Variants in ZBTB38 observed in about 807,000 individuals in gnomAD.
ZBTB38 encodes the protein zinc finger and BTB domain containing 38, also known as zinc finger and BTB domain-containing protein 38.
ZBTB38 carries 20 observed loss-of-function variants against 76.8 expected under a neutral mutation model. That is an observed-to-expected ratio of 0.26 (90% confidence interval 0.18 to 0.38). ZBTB38 has a LOEUF of 0.38. Ranked by LOEUF, ZBTB38 falls within the 10% of genes least tolerant of loss-of-function variation. ZBTB38 has a pLI of 1.00. For missense variants in ZBTB38, 1,082 were observed against 1,482.3 expected, an observed-to-expected ratio of 0.73 and a Z score of 4.43; for synonymous variants, 504 against 544.2, an observed-to-expected ratio of 0.93 and a Z score of 1.03.
intron 3 of ZBTB38, among the ~76,000 whole-genome samples, chr3:141,384,132 T>C (rs1250114860): frequency 2.0e-5 from 3 of 152,246 alleles, no homozygotes; most frequent in Non-Finnish European, 1.5e-5. Flanking sequence ...CGTTTACTGA[T>C]TGAGTGTCTT....
intron 5 of ZBTB38, among the ~76,000 whole-genome samples, chr3:141,435,884 T>A (rs2078673276): frequency 6.6e-6 from 1 of 152,264 alleles, no homozygotes; most frequent in African/African-American, 2.4e-5. Context: ...TTTATGTTTT[T>A]AAAAATATTG....
chr3:141,382,365 G>A (rs1475730824), intron 3 of ZBTB38, among the ~76,000 whole-genome samples: 1 of 152,124 alleles, frequency 6.6e-6, no homozygotes, highest in Non-Finnish European at 1.5e-5. Flanking sequence ...GGTGTAAAAG[G>A]AAACTAGCTA....
At chr3:141,410,796 T>C (rs552987226) in intron 5 of ZBTB38, among the ~76,000 whole-genome samples, 88 of 152,346 alleles carry the variant, frequency 5.8e-4, no homozygotes, top group Middle Eastern at 3.4e-3. Context: ...TAAGCTGTAT[T>C]ATAACTTAAT....
intron 5 of ZBTB38, among the ~76,000 whole-genome samples, chr3:141,404,812 A>G (rs547369916): frequency 6.6e-6 from 1 of 152,350 alleles, no homozygotes; most frequent in African/African-American, 2.4e-5. Flanking sequence ...CTGTGGGCAC[A>G]GCTCTGTGCC....
chr3:141,340,938 A>AAAGAAGG (rs1553760074), intron 1 of ZBTB38, among the ~76,000 whole-genome samples: 1 of 32,424 alleles, frequency 3.1e-5, no homozygotes, highest in Non-Finnish European at 5.8e-5. Context: ...AAAAGAAAAG[A>AAAGAAGG]AAAGAAAGAA....
chr3:141,371,712 A>G (rs536416293), intron 2 of ZBTB38, among the ~76,000 whole-genome samples: 35 of 152,320 alleles, frequency 2.3e-4, no homozygotes, highest in Non-Finnish European at 4.1e-4. Flanking sequence ...AAGATGTGAT[A>G]TATATGTCTA....
intron 1 of ZBTB38, among the ~76,000 whole-genome samples, chr3:141,356,412 AC>A (rs1005309277): frequency 6.6e-6 from 1 of 152,130 alleles, no homozygotes; most frequent in African/African-American, 2.4e-5. Context: ...CAAAAGTGTT[AC>A]AGGGCTGCTG....
intron 4 of ZBTB38, among the ~76,000 whole-genome samples, chr3:141,401,207 T>A (rs1324863300): frequency 1.3e-5 from 2 of 152,212 alleles, no homozygotes; most frequent in Non-Finnish European, 2.9e-5. Flanking sequence ...GTTTTTGTTT[T>A]TTTTAAGTGG....
At chr3:141,355,914 G>A (rs1377467923) in intron 1 of ZBTB38, among the ~76,000 whole-genome samples, 2 of 152,174 alleles carry the variant, frequency 1.3e-5, no homozygotes. Context: ...TTCCCCCTGA[G>A]GAAGGAGAGC....
intron 5 of ZBTB38, among the ~76,000 whole-genome samples, chr3:141,437,865 A>G (rs2079136417): frequency 6.6e-6 from 1 of 152,078 alleles, no homozygotes; most frequent in Non-Finnish European, 1.5e-5. Flanking sequence ...CATTCGTTCA[A>G]AGGAGGGATG....
chr3:141,417,246 A>C (rs1223177401), intron 5 of ZBTB38, among the ~76,000 whole-genome samples: 2 of 152,168 alleles, frequency 1.3e-5, no homozygotes, highest in African/African-American at 4.8e-5. Flanking sequence ...CACGTTTGCA[A>C]CCACCTCCCA....
Position 141,442,762 on chromosome 3 carries a change from G to A in ZBTB38, c.374G>A (p.Arg125His), listed in dbSNP as rs771177263. 2 of 1,614,104 alleles carry A rather than the reference G, an allele frequency of 1.2e-6. No individual in the cohort carries two copies. The highest frequency in any genetic ancestry group is 1.1e-5 in the South Asian group (1 of 91,080). Residue 125 changes from arginine to histidine, a missense_variant, in exon 6 of 6, where the codon CGC (arginine) becomes CAC (histidine). Transcript: ENST00000321464. This position sits in a 1 kb window ranked among gnomAD's most constrained non-coding sequence, Gnocchi z 6.4. ...TCGTTCTTGGAAGACCTTACTGATC[G>A]CAACTTCTCAAATTCCCCGGGTCCC... ...GISFLEDLTD[R>H]NFSNSPGPYV...
rs528683960 is a variant in ZBTB38, at chr3:141,381,473, A to C, written c.-186A>C. On this transcript the variant is annotated 5_prime_UTR_variant, in exon 3 of 6. Coordinates refer to ENST00000321464, the MANE Select transcript of ZBTB38 (RefSeq NM_001376113.1). ...GTTTGGTCCACAAGGCTTGCTGCCC[A>C]ATCTTTGCCAACAGGTATGTACTCC... The C allele has an allele frequency of 4.6e-5, 7 of 152,436 alleles. No homozygotes were observed. The East Asian group carries it at 1.3e-3, about 29-fold the overall frequency. 9.4% of individuals were successfully genotyped at this position (152,436 alleles called of 1,614,324 possible). A position where few individuals can be genotyped will look rare whatever the true frequency, so the allele number is the denominator to read the frequency against.
chr3:141,340,957 A>AGAAAGAAC (rs1943170052), intron 1 of ZBTB38, among the ~76,000 whole-genome samples: 1 of 70,754 alleles, frequency 1.4e-5, no homozygotes, highest in African/African-American at 1.2e-4. Context: ...AAGGAAAGAA[A>AGAAAGAAC]GAAAGAAAGA....
At chr3:141,434,396 G>C (rs568192405) in intron 5 of ZBTB38, among the ~76,000 whole-genome samples, 100 of 151,988 alleles carry the variant, frequency 6.6e-4, no homozygotes, top group Non-Finnish European at 1.0e-3. Flanking sequence ...GTGTGCACTG[G>C]GGGGGCGGGG....
chr3:141,421,278 C>CTTTT (rs77094062), intron 5 of ZBTB38, among the ~76,000 whole-genome samples: 6 of 125,664 alleles, frequency 4.8e-5, no homozygotes, highest in Non-Finnish European at 6.7e-5. Context: ...AAACTTCTCT[C>CTTTT]TTTTTTTTTT....
chr3:141,350,288 T>C (rs1170134504), intron 1 of ZBTB38, among the ~76,000 whole-genome samples: 1 of 152,208 alleles, frequency 6.6e-6, no homozygotes, highest in East Asian at 1.9e-4. Flanking sequence ...GAGTTGAAAA[T>C]GAGTAACAGG....
chr3:141,429,428 G>A (rs1256261854), intron 5 of ZBTB38, among the ~76,000 whole-genome samples: 2 of 152,186 alleles, frequency 1.3e-5, no homozygotes, highest in Non-Finnish European at 2.9e-5. Flanking sequence ...GAGTGCAGGA[G>A]ACAGCAGCAG....
At chr3:141,400,177 G>T (rs1320749750) in intron 4 of ZBTB38, among the ~76,000 whole-genome samples, 3 of 152,194 alleles carry the variant, frequency 2.0e-5, no homozygotes, top group East Asian at 1.9e-4. Flanking sequence ...TTAAGAGAGA[G>T]AATCTGTGAC....
Sources: allele counts gnomAD v4.1 joint callset (sites outside exome capture counted in the v4.1 genomes callset), GRCh38; gene constraint gnomAD v4.1.1; non-coding constraint Gnocchi (gnomAD v3.1); transcripts MANE v1.5; gene names NCBI Gene and HGNC (gene_info 2026-07-23, HGNC 2026-07-21).